The following SYT9 variants were observed in gnomAD, a reference collection of about 807,000 sequenced individuals.
SYT9 encodes synaptotagmin 9.
SYT9 carries 22 observed loss-of-function variants against 48.4 expected under a neutral mutation model. The observed-to-expected ratio is 0.45, with a 90% CI of 0.32 to 0.65. The LOEUF (loss-of-function observed/expected upper bound fraction) is 0.65. Among genes scored for constraint, SYT9 ranks in the 30% least tolerant of loss-of-function variants. The probability of loss-of-function intolerance (pLI) is 0.03; values close to 1 mark genes in which losing one functional copy is unlikely to be tolerated. For missense variants in SYT9, 577 were observed against 622.0 expected (o/e 0.93, Z 0.77); for synonymous variants, 265 against 245.0 (o/e 1.08, Z -0.76).
At chr11:7,324,802 T>G (rs1849400183) in intron 3 of SYT9, among the ~76,000 whole-genome samples, 1 of 152,052 alleles carries the variant, frequency 6.6e-6, no homozygotes, top group South Asian at 2.1e-4. Context: ...TATGTTCTCT[T>G]ACACATCAGT....
At chr11:7,443,043 T>G (rs940369748) in intron 6 of SYT9, among the ~76,000 whole-genome samples, 2 of 152,026 alleles carry the variant, frequency 1.3e-5, no homozygotes, top group Admixed American at 6.5e-5. Context: ...GGAATGAGAA[T>G]GAGAGAGAGG....
rs771887484 is a variant in SYT9 at position 7,313,659 on chromosome 11, G to A, written c.762G>A (p.Gly254=). ...ATTTGCCCGCCAAGGACTTTTCTGG[G>A]ACTTCAGATCCTTATGTCAAGATCT... ...AVNLPAKDFS[G]TSDPYVKIYL... The change falls in exon 3 of 7, where the codon GGG becomes GGA. Residue 254 remains glycine (G), a synonymous_variant. Transcript: ENST00000318881. 1.9e-6 allele frequency: 3 copies of A among 1,614,046 alleles called. No individual in the cohort carries two copies. Among genetic ancestry groups the A allele is most frequent in the East Asian group, 2.2e-5 (1 of 44,902 alleles).
intron 1 of SYT9, among the ~76,000 whole-genome samples, chr11:7,289,166 ATTT>A (rs1848653741): frequency 6.6e-6 from 1 of 152,066 alleles, no homozygotes; most frequent in Admixed American, 6.6e-5. Flanking sequence ...TTTCCTCAGT[ATTT>A]GTTCAGGAGC....
chr11:7,437,189 T>G (rs950289165), intron 6 of SYT9, among the ~76,000 whole-genome samples: 5 of 152,224 alleles, frequency 3.3e-5, no homozygotes, highest in Admixed American at 6.5e-5. Context: ...CTCATTTCTC[T>G]GGCTCTTGGA....
chr11:7,345,539 A>C (rs1849784364), intron 3 of SYT9, among the ~76,000 whole-genome samples: 1 of 152,204 alleles, frequency 6.6e-6, no homozygotes, highest in Admixed American at 6.5e-5. Flanking sequence ...AGCATGAGCA[A>C]ACTCCAGATG....
At chr11:7,396,164 T>C (rs61248039) in intron 3 of SYT9, among the ~76,000 whole-genome samples, 46,084 of 151,964 alleles carry the variant, frequency 0.3, 7,757 homozygotes, top group East Asian at 0.6. Context: ...CATGTAAACA[T>C]TGTCATGATC....
At chr11:7,415,500 C>T (rs768838920) in intron 3 of SYT9, among the ~76,000 whole-genome samples, 1 of 151,760 alleles carries the variant, frequency 6.6e-6, no homozygotes, top group Admixed American at 6.6e-5. Flanking sequence ...GGGCTGTGTA[C>T]GGGAGTGTGT....
intron 6 of SYT9, among the ~76,000 whole-genome samples, chr11:7,443,837 G>A (rs999716661): frequency 6.6e-6 from 1 of 152,232 alleles, no homozygotes; most frequent in African/African-American, 2.4e-5. Context: ...TGTGACGGTT[G>A]TTGAATGAAT....
chr11:7,331,770 T>TC, intron 3 of SYT9, among the ~76,000 whole-genome samples: 1 of 152,076 alleles, frequency 6.6e-6, no homozygotes, highest in African/African-American at 2.4e-5. Context: ...GCAACCCCTC[T>TC]ATATATGCAC....
chr11:7,318,667 CA>C (rs2133960531), intron 3 of SYT9, among the ~76,000 whole-genome samples: 1 of 152,244 alleles, frequency 6.6e-6, no homozygotes, highest in African/African-American at 2.4e-5. Flanking sequence ...TTACTCTATT[CA>C]GAGTTGAGTA....
At chr11:7,270,105 G>A (rs1485352505) in intron 1 of SYT9, among the ~76,000 whole-genome samples, 1 of 152,140 alleles carries the variant, frequency 6.6e-6, no homozygotes, top group African/African-American at 2.4e-5. Context: ...TTGACTGTCT[G>A]TGCCTTTTGG....
intron 2 of SYT9, among the ~76,000 whole-genome samples, chr11:7,307,591 A>G (rs1407169896): frequency 6.6e-6 from 1 of 152,264 alleles, no homozygotes; most frequent in African/African-American, 2.4e-5. Flanking sequence ...GAAAAAATAT[A>G]TAACCATGCC....
At chr11:7,372,061 A>G (rs374698893) in intron 3 of SYT9, among the ~76,000 whole-genome samples, 2 of 152,222 alleles carry the variant, frequency 1.3e-5, no homozygotes, top group African/African-American at 4.8e-5. Context: ...GGATATATCT[A>G]TGTTTGTAAG....
intron 3 of SYT9, among the ~76,000 whole-genome samples, chr11:7,329,687 C>A (rs1013015417): frequency 1.3e-5 from 2 of 152,198 alleles, no homozygotes; most frequent in African/African-American, 4.8e-5. Flanking sequence ...GTAATGAAAG[C>A]ATATTTTTAG....
At chr11:7,242,908 T>C (rs1297955879) in intron 1 of SYT9, among the ~76,000 whole-genome samples, 1 of 152,048 alleles carries the variant, frequency 6.6e-6, no homozygotes, top group East Asian at 1.9e-4. Flanking sequence ...TAGCTAGGCA[T>C]GATGGTGGGT....
upstream of SYT9, among the ~76,000 whole-genome samples, chr11:7,251,355 G>A (rs976338529): frequency 6.6e-6 from 1 of 152,044 alleles, no homozygotes; most frequent in South Asian, 2.1e-4. Context: ...CCCAGGAATC[G>A]TTTATTTATT....
intron 6 of SYT9, among the ~76,000 whole-genome samples, chr11:7,423,185 C>T (rs1847386529): frequency 6.6e-6 from 1 of 152,178 alleles, no homozygotes; most frequent in African/African-American, 2.4e-5. Flanking sequence ...GGGAGGCTGC[C>T]TCTTCCCCGT....
intron 1 of SYT9, among the ~76,000 whole-genome samples, chr11:7,257,825 G>A (rs566901326): frequency 9.9e-5 from 15 of 152,256 alleles, no homozygotes; most frequent in African/African-American, 3.6e-4. Flanking sequence ...TTAAACAAGT[G>A]TGTTTTCATC....
chr11:7,319,192 C>CTTTTTTTTTTTTTTTTTTTTTTTTTTTTT (rs71056795), intron 3 of SYT9, among the ~76,000 whole-genome samples: 2 of 86,186 alleles, frequency 2.3e-5, no homozygotes, highest in Admixed American at 1.3e-4. Context: ...TCTTCTTTTT[C>CTTTTTTTTTTTTTTTTTTTTTTTTTTTTT]TTTTTTTTTT....
Sources: allele counts gnomAD v4.1 joint callset (sites outside exome capture counted in the v4.1 genomes callset), GRCh38; gene constraint gnomAD v4.1.1; transcripts MANE v1.5; gene names NCBI Gene and HGNC (gene_info 2026-07-23, HGNC 2026-07-21).